PZP: variants seen among roughly 807,000 people sequenced by gnomAD.
PZP encodes the protein pregnancy zone protein.
PZP carries 150 observed loss-of-function variants against 179.8 expected under a neutral mutation model. That is an observed-to-expected ratio of 0.83 (90% CI 0.73 to 0.96). The LOEUF (loss-of-function observed/expected upper bound fraction) is 0.96, where lower values mean the gene tolerates loss of function less well. PZP is among the 40% of genes least tolerant of loss of function. The pLI is 0.00. For missense variants in PZP, 1,689 were observed against 1,764.0 expected, an observed-to-expected ratio of 0.96 and a Z score of 0.76; for synonymous variants, 624 against 652.3, an observed-to-expected ratio of 0.96 and a Z score of 0.66.
chr12:9,194,527 C>T (rs774055216), intron 10 of PZP, among the ~76,000 whole-genome samples: 23 of 145,370 alleles, frequency 1.6e-4, no homozygotes, highest in South Asian at 4.3e-4. Flanking sequence ...TGCAGTGGCG[C>T]GATCTCGGCT....
At chr12:9,139,059 A>G in the PZP span, among the ~76,000 whole-genome samples, 56 of 152,066 alleles carry the variant, frequency 3.7e-4, no homozygotes, top group African/African-American at 1.3e-3. Flanking sequence ...TAATGTAGGT[A>G]TTTATCACAG....
chr12:9,156,892 A>C (rs1325146787), intron 28 of PZP, among the ~76,000 whole-genome samples: 1 of 152,020 alleles, frequency 6.6e-6, no homozygotes, highest in African/African-American at 2.4e-5. Flanking sequence ...AGTTTTTAAA[A>C]AAACTTTTAT....
In PZP at chr12:9,202,360, C is replaced by T; in HGVS notation, c.439G>A (p.Val147Ile). The T allele has an allele frequency of 6.2e-7, 1 of 1,614,156 alleles. No homozygotes were observed. The highest frequency in any genetic ancestry group is 2.2e-5 in the East Asian group (1 of 44,878). ...YKPGQTVRFR[V>I]VSVDENFRPR... ...CGAAAATTTTCATCCACGGAGACAA[C>T]ACGGAATCTTACTGGAAAAGTAGTT... The change falls in exon 4 of 36, where the codon GTT becomes ATT. Residue 147 changes from valine (V) to isoleucine (I), a missense_variant. Physicochemically the swap from Val to Ile is conservative, Grantham distance 29. This residue lies in a region of PZP where 742 missense variants were observed against 730.5 expected (regional missense o/e 1.02). Coordinates refer to ENST00000261336, the MANE Select transcript of PZP (RefSeq NM_002864.3).
Position 9,196,336 on chromosome 12 carries a change from A to C in PZP, c.1086T>G (p.Phe362Leu), listed in dbSNP as rs1943770785. 2 of 1,605,680 alleles carry C rather than the reference A, an allele frequency of 1.2e-6. No individual in the cohort carries two copies. The highest frequency in any genetic ancestry group is 1.7e-6 in the Non-Finnish European group (2 of 1,172,606). ...GCATTACAACATATCTTACCTGTGC[A>C]AAAAAGGGGATTCCTTGTCTAAAGT... ...DSHFRQGIPF[F>L]AQVLLVDGKG... The change falls in exon 10 of 36, where the codon TTT becomes TTG. Residue 362 changes from phenylalanine to leucine, a missense_variant. Phe to Leu is a conservative substitution (Grantham distance 22, BLOSUM62 0). Transcript: ENST00000261336.
intron 15 of PZP, among the ~76,000 whole-genome samples, chr12:9,176,031 C>T (rs982688472): frequency 3.9e-5 from 6 of 152,110 alleles, no homozygotes; most frequent in Admixed American, 2.0e-4. Flanking sequence ...CAGCACTATT[C>T]ACGATAGCAA....
intron 31 of PZP, 102 bp downstream of exon 31, chr12:9,152,722 T>C: frequency 8.1e-7 from 1 of 1,241,420 alleles, no homozygotes. Context: ...CAATTCTAAA[T>C]TATATTAATC....
chr12:9,146,799 G>A (rs1158025618), downstream of PZP, among the ~76,000 whole-genome samples: 2 of 152,154 alleles, frequency 1.3e-5, no homozygotes, highest in Non-Finnish European at 2.9e-5. Context: ...AATCAATGCT[G>A]TCTTTCTCCC....
In PZP at chr12:9,186,429, T is replaced by C. The variant is rs75772685; in HGVS notation, c.1547-4312A>G. On this transcript the variant is annotated intron_variant, in intron 13 of 35. Coordinates refer to ENST00000261336, the MANE Select transcript of PZP (RefSeq NM_002864.3). ...ATATTAACCTCTAATGTAAACAGAC[T>C]AAATGCCCCAATTAAGAGGCACAGA... Among the ~76,000 whole-genome samples, 192 of 152,160 alleles carry C rather than the reference T, an allele frequency of 1.3e-3. 1 individual carries two copies. The East Asian group carries it at 0.035, about 28-fold the overall frequency.
intron 13 of PZP, among the ~76,000 whole-genome samples, chr12:9,183,391 C>T (rs1453326382): frequency 7.2e-6 from 1 of 139,564 alleles, no homozygotes; most frequent in East Asian, 2.2e-4. Flanking sequence ...TTATGTTGTA[C>T]ACCTTAAATA....
At chr12:9,198,636 G>A (rs1448052659) in intron 7 of PZP, among the ~76,000 whole-genome samples, 5 of 152,124 alleles carry the variant, frequency 3.3e-5, no homozygotes, top group Non-Finnish European at 5.9e-5. Flanking sequence ...ATGTGTGTGT[G>A]CACATGTTAT....
At position 9,162,647 on chromosome 12, in the gene PZP, GCCTTGGAT is replaced by G; in HGVS notation, c.2737-7_2737del. 6.3e-7 allele frequency: 1 copy of G among 1,589,602 alleles called. No homozygotes were observed. ...AGTCTTTTCTTGCTCAATACCTTCA[GCCTTGGAT>G]GAAAGGAAAGAAAAGGAGAAAAGAT... On this transcript the variant is annotated splice_acceptor_variant and splice_polypyrimidine_tract_variant and coding_sequence_variant and intron_variant, in exon 22 of 36. Transcript: ENST00000261336. LOFTEE classifies it high-confidence loss of function.
chr12:9,197,532 ATTAT>A (rs1258954591), intron 7 of PZP, among the ~76,000 whole-genome samples: 1 of 124,752 alleles, frequency 8.0e-6, no homozygotes, highest in East Asian at 2.1e-4. Flanking sequence ...ATAATTATTA[ATTAT>A]TAGAGTACTG....
At chr12:9,157,486 T>C (rs1940849084) in intron 27 of PZP, 131 bp from the exon 28 acceptor site, 2 of 870,234 alleles carry the variant, frequency 2.3e-6, no homozygotes, top group Non-Finnish European at 3.5e-6. Flanking sequence ...ATATTCATCA[T>C]ATTTAAATAG....
intron 13 of PZP, among the ~76,000 whole-genome samples, chr12:9,185,853 G>A (rs750284845): frequency 3.3e-5 from 3 of 91,158 alleles, no homozygotes; most frequent in African/African-American, 1.4e-4. Flanking sequence ...CTGTCACCAG[G>A]CTGGAGTGCA....
chr12:9,148,878 T>C lies in PZP; in HGVS notation c.*94A>G. 9.0e-7 allele frequency: 1 copy of C among 1,108,452 alleles called. No homozygotes were observed. 68.7% of individuals were successfully genotyped at this position (1,108,452 alleles called of 1,614,324 possible). A position where few individuals can be genotyped will look rare whatever the true frequency, so the allele number is the denominator to read the frequency against. ...AGTACATATTTATTCAGCAAATATT[T>C]TTAGTGTCTATTTTATAGAGACAAA... On this transcript the variant is annotated 3_prime_UTR_variant, in exon 36 of 36. Transcript: ENST00000261336.
Position 9,201,045 on chromosome 12 carries a change from G to T in PZP, c.517C>A (p.Arg173=). The part of the protein sequence containing the change: ...LIYLENPRRN[R]IAQWQSLKLE... ...TTGAGACTCTGCCATTGTGCAATTC[G>T]ATTTCTTCTTGGGTTCTGAAGGGAA... is the stretch of plus-strand genomic sequence containing the variant. The change falls in exon 6 of 36, where the codon CGA becomes AGA. Residue 173 remains arginine, a synonymous_variant. Transcript: ENST00000261336. 1 of 1,613,876 alleles carries T rather than the reference G, an allele frequency of 6.2e-7. No homozygotes were observed. The highest frequency in any genetic ancestry group is 8.5e-7 in the Non-Finnish European group (1 of 1,179,948).
At chr12:9,144,418 G>A (rs1301439150), downstream of PZP, among the ~76,000 whole-genome samples, 1 of 151,804 alleles carries the variant, frequency 6.6e-6, no homozygotes, top group Non-Finnish European at 1.5e-5. Context: ...GTTGGCCAGA[G>A]ACTCTCAGGA....
In PZP at chr12:9,200,971, G is replaced by C. The variant is rs759609427; in HGVS notation, c.591C>G (p.Pro197=). The C allele has an allele frequency of 8.1e-6, 13 of 1,614,058 alleles. No individual in the cohort carries two copies. The Admixed American group carries it at 2.2e-4, about 27-fold the overall frequency. Residue 197 remains proline (P), a synonymous_variant, in exon 6 of 36, where the codon CCC becomes CCG. Coordinates refer to ENST00000261336, the MANE Select transcript of PZP (RefSeq NM_002864.3). Reference sequence around the variant, plus strand: ...CCACCACCCTGTAGGAGCCCTGAATGGGCTCTGATGAGAGGGGAAAGGACA... The same window carrying C: ...CCACCACCCTGTAGGAGCCCTGAATCGGCTCTGATGAGAGGGGAAAGGACA... ...NQLSFPLSSE[P]IQGSYRVVVQ...
At chr12:9,204,058 A>G in intron 1 of PZP, 107 bp from the exon 2 acceptor site, 1 of 1,147,080 alleles carries the variant, frequency 8.7e-7, no homozygotes. Flanking sequence ...AATCAGTTTT[A>G]TTCTAAAAGT....
Sources: gnomAD v4.1 joint callset for allele counts (sites outside exome capture counted in the v4.1 genomes callset) on GRCh38, gnomAD v4.1.1 for gene constraint, gnomAD v4.1.1 regional missense constraint, MANE v1.5 for transcripts, NCBI Gene and HGNC (gene_info 2026-07-23, HGNC 2026-07-21) for gene names.